RPH3AL: variants seen among roughly 807,000 people sequenced by gnomAD.
RPH3AL encodes the protein rabphilin 3A like (without C2 domains).
RPH3AL carries 38 observed loss-of-function variants against 43.1 expected under a neutral mutation model. The ratio of observed to expected loss-of-function variants is 0.88; its 90% CI spans 0.68 to 1.15. The LOEUF is 1.15. Ranked by LOEUF, RPH3AL falls within the 50% of genes most tolerant of loss-of-function variation. RPH3AL has a pLI of 0.00. For synonymous variants in RPH3AL, 189 were observed against 176.3 expected (o/e 1.07, Z -0.57); for missense variants, 462 against 423.2 (o/e 1.09, Z -0.81).
chr17:235,372 C>G (rs535527152), intron 7 of RPH3AL, among the ~76,000 whole-genome samples: 59 of 134,938 alleles, frequency 4.4e-4, no homozygotes, highest in Admixed American at 8.0e-4. Flanking sequence ...CTGGGGTCGG[C>G]CGAGGCTCTA....
At chr17:236,805 C>T (rs1204413327) in intron 7 of RPH3AL, among the ~76,000 whole-genome samples, 1 of 152,274 alleles carries the variant, frequency 6.6e-6, no homozygotes, top group Non-Finnish European at 1.5e-5. Context: ...AAGAAAAAGC[C>T]AGTGAGCGTC....
At chr17:279,541 G>A (rs2151603294) in intron 6 of RPH3AL, among the ~76,000 whole-genome samples, 1 of 152,314 alleles carries the variant, frequency 6.6e-6, no homozygotes, top group East Asian at 1.9e-4. Context: ...CAGGCTGGTG[G>A]TAGCTCAAGA....
Position 264,724 on chromosome 17 carries a change from C to T in RPH3AL, c.438+17044G>A, listed in dbSNP as rs1352081254. On this transcript the variant is annotated intron_variant, in intron 6 of 9. Transcript: ENST00000331302. This position sits in a 1 kb window ranked among gnomAD's most constrained non-coding sequence, Gnocchi z 4.8. The stretch of plus-strand genomic sequence containing the variant: ...TGGAGGATGACCCTTCCACCTGTGA[C>T]CGGTATCAGCAAAAATGGAACACAG... 3.3e-5 allele frequency among the ~76,000 whole-genome samples: 5 copies of T among 152,164 alleles called. No homozygotes were observed. Among genetic ancestry groups the T allele is most frequent in the African/African-American group, 1.2e-4 (5 of 41,434 alleles).
chr17:271,481 A>G (rs955671357), intron 6 of RPH3AL, among the ~76,000 whole-genome samples: 2 of 152,164 alleles, frequency 1.3e-5, no homozygotes, highest in African/African-American at 4.8e-5. Flanking sequence ...CTCCTTGAAG[A>G]GGTCCTTCAC....
intron 7 of RPH3AL, among the ~76,000 whole-genome samples, chr17:229,181 C>T (rs1195320078): frequency 2.0e-5 from 3 of 152,158 alleles, no homozygotes; most frequent in South Asian, 4.1e-4. Flanking sequence ...AAGACGCAAC[C>T]TCCCTCCTCT....
rs2042787453 is a variant in RPH3AL, at chr17:281,820, G to A, written c.386C>T (p.Pro129Leu). Residue 129 changes from proline (P) to leucine (L), a missense_variant, in exon 6 of 10, where the codon CCT becomes CTT. Physicochemically the swap from Pro to Leu is moderately conservative, Grantham distance 98. Transcript: ENST00000331302. ...VCTKCGIEAS[P>L]GQKRPLWLCK... ...CAGCCACAGGGGCCGCTTCTGGCCA[G>A]GGGAGGCCTCGATCCCACATTTGGT... is the stretch of plus-strand genomic sequence containing the variant. The A allele has an allele frequency of 4.3e-6, 7 of 1,614,118 alleles. No homozygotes were observed. The highest frequency in any genetic ancestry group is 5.9e-6 in the Non-Finnish European group (7 of 1,179,996).
chr17:275,108 G>T (rs1186654493), intron 6 of RPH3AL, among the ~76,000 whole-genome samples: 1 of 152,060 alleles, frequency 6.6e-6, no homozygotes, highest in African/African-American at 2.4e-5. Context: ...TTACCCAATA[G>T]AGTTGAATGT....
chr17:296,065 C>G (rs1336929990), intron 5 of RPH3AL, among the ~76,000 whole-genome samples: 11 of 118,652 alleles, frequency 9.3e-5, no homozygotes, highest in East Asian at 2.8e-4. Context: ...CAGAAATGGA[C>G]GGGCAGAGGG....
At chr17:268,866 T>C (rs79326729) in intron 6 of RPH3AL, among the ~76,000 whole-genome samples, 23,157 of 151,892 alleles carry the variant, frequency 0.15, 2,241 homozygotes, top group Admixed American at 0.22. Flanking sequence ...GCCTGGATGA[T>C]TTTTTATTTT....
intron 6 of RPH3AL, among the ~76,000 whole-genome samples, chr17:252,397 C>T (rs58485634): frequency 0.16 from 23,871 of 152,096 alleles, 1,925 homozygotes; most frequent in South Asian, 0.18. Context: ...CTGACCATGG[C>T]GGTGTGAATT....
At chr17:242,132 A>C (rs1029235671) in intron 7 of RPH3AL, among the ~76,000 whole-genome samples, 31 of 152,190 alleles carry the variant, frequency 2.0e-4, no homozygotes, top group African/African-American at 5.8e-4. Flanking sequence ...AAAAGAAAAA[A>C]ATTAACAAAA....
chr17:295,295 A>G (rs1392896097), intron 5 of RPH3AL, among the ~76,000 whole-genome samples: 18 of 147,602 alleles, frequency 1.2e-4, no homozygotes, highest in African/African-American at 2.5e-4. Flanking sequence ...TGCTGCAGAA[A>G]TGGACGGGCA....
At chr17:247,082 A>G (rs1031799249) in intron 7 of RPH3AL, 29 bp downstream of exon 7, 1 of 1,613,542 alleles carries the variant, frequency 6.2e-7, no homozygotes, top group Non-Finnish European at 8.5e-7. Flanking sequence ...TTTACAGGCC[A>G]TCCTGGGAGA....
chr17:296,403 G>A (rs926950521), intron 5 of RPH3AL, among the ~76,000 whole-genome samples: 1 of 146,446 alleles, frequency 6.8e-6, no homozygotes, highest in Non-Finnish European at 1.5e-5. Context: ...GATGGACAGA[G>A]GGAATGCACA....
intron 5 of RPH3AL, among the ~76,000 whole-genome samples, chr17:317,938 C>T (rs1324362469): frequency 6.6e-6 from 1 of 151,396 alleles, no homozygotes; most frequent in Non-Finnish European, 1.5e-5. Flanking sequence ...ATCCTCCACC[C>T]TCCACCCTCT....
At chr17:228,217 T>C (rs555686692) in intron 7 of RPH3AL, among the ~76,000 whole-genome samples, 3 of 152,308 alleles carry the variant, frequency 2.0e-5, no homozygotes, top group East Asian at 1.9e-4. Flanking sequence ...TTTTTATTTT[T>C]AGTTTTTGTA....
intron 6 of RPH3AL, among the ~76,000 whole-genome samples, chr17:270,144 C>T (rs908166622): frequency 1.3e-5 from 2 of 152,134 alleles, no homozygotes; most frequent in African/African-American, 2.4e-5. Context: ...CAGAGTGAGG[C>T]AGGCACAGAC....
intron 2 of RPH3AL, chr17:331,312 C>CCAAATGCTGCAGAGAGA: frequency 2.6e-5 from 1 of 39,000 alleles, no homozygotes; most frequent in South Asian, 1.5e-4. Flanking sequence ...CTGCAGAGAT[C>CCAAATGCTGCAGAGAGA]AAGGGAGACG....
intron 7 of RPH3AL, among the ~76,000 whole-genome samples, chr17:236,107 G>T (rs538058601): frequency 6.6e-6 from 1 of 152,116 alleles, no homozygotes; most frequent in South Asian, 2.1e-4. Context: ...AGCACAGAAG[G>T]CCTCACACTG....
Sources: gnomAD v4.1 joint callset for allele counts (sites outside exome capture counted in the v4.1 genomes callset) on GRCh38, gnomAD v4.1.1 for gene constraint, Gnocchi (gnomAD v3.1) non-coding constraint, MANE v1.5 for transcripts, NCBI Gene and HGNC (gene_info 2026-07-23, HGNC 2026-07-21) for gene names.